The following FMN2 variants were observed in gnomAD, a reference collection of about 807,000 sequenced individuals.
The protein encoded by FMN2 is formin 2, also known as formin-2.
A neutral mutation model predicts 142.3 loss-of-function variants in FMN2; 51 were observed. That is an observed-to-expected ratio of 0.36 (90% CI 0.29 to 0.45). FMN2 has a LOEUF of 0.45. Among genes scored for constraint, FMN2 ranks in the 20% least tolerant of loss-of-function variants. The pLI is 1.00. For synonymous variants in FMN2, 882 were observed against 869.8 expected, an observed-to-expected ratio of 1.01 and a Z score of -0.25; for missense variants, 1,936 against 2,122.8, an observed-to-expected ratio of 0.91 and a Z score of 1.73.
intron 15 of FMN2, among the ~76,000 whole-genome samples, chr1:240,431,371 C>T (rs530487979): frequency 2.7e-5 from 4 of 146,996 alleles, no homozygotes; most frequent in Non-Finnish European, 6.0e-5. Context: ...TTTGTAAACT[C>T]CATAGTGTTT....
intron 3 of FMN2, among the ~76,000 whole-genome samples, chr1:240,187,288 A>T (rs1011642505): frequency 7.3e-6 from 1 of 137,298 alleles, no homozygotes; most frequent in Non-Finnish European, 1.6e-5. Context: ...AAAAAAAAAA[A>T]AAAGAAAAGA....
chr1:240,139,834 C>T (rs1049851248), intron 2 of FMN2, among the ~76,000 whole-genome samples: 3 of 151,902 alleles, frequency 2.0e-5, no homozygotes, highest in Non-Finnish European at 2.9e-5. Context: ...GTAGATGTAT[C>T]GGAAGGTTAG....
At chr1:240,138,064 C>CAA (rs369637580) in intron 2 of FMN2, among the ~76,000 whole-genome samples, 29 of 95,396 alleles carry the variant, frequency 3.0e-4, no homozygotes, top group African/African-American at 5.6e-4. Flanking sequence ...GACTCCATCT[C>CAA]AAAAAAAAAA....
chr1:240,265,246 CTA>C (rs1167414539), intron 7 of FMN2, among the ~76,000 whole-genome samples: 1 of 152,074 alleles, frequency 6.6e-6, no homozygotes, highest in African/African-American at 2.4e-5. Context: ...TGCATATTGA[CTA>C]TGAAATTTTT....
chr1:240,170,747 C>T, intron 2 of FMN2: 1 of 1,442,986 alleles, frequency 6.9e-7, no homozygotes, highest in Non-Finnish European at 9.8e-7. Context: ...GGGCCTGGCT[C>T]TGTTTGGGCC....
At chr1:240,136,649 A>G (rs1173526654) in intron 2 of FMN2, among the ~76,000 whole-genome samples, 1 of 152,098 alleles carries the variant, frequency 6.6e-6, no homozygotes. Flanking sequence ...ACTCAGCTCG[A>G]CTTTTCTGTC....
At chr1:240,111,577 A>G (rs183654758) in intron 1 of FMN2, among the ~76,000 whole-genome samples, 98 of 152,220 alleles carry the variant, frequency 6.4e-4, no homozygotes, top group African/African-American at 2.3e-3. Context: ...GAGGATGACC[A>G]GAGGTCACTC....
chr1:240,121,912 G>C (rs979303000), intron 1 of FMN2, among the ~76,000 whole-genome samples: 14 of 151,202 alleles, frequency 9.3e-5, no homozygotes, highest in Admixed American at 2.0e-4. Context: ...CTGCCTCTTC[G>C]TCTCTTCATT....
chr1:240,211,124 T>G lies in FMN2; in HGVS notation c.3954T>G (p.Ile1318Met), dbSNP rs768001975. ...DSSTSLIWEK[I>M]EEPSIDCHEF... is the part of the protein sequence containing the mutation. ...GTACTTCACTTATTTGGGAAAAAAT[T>G]GAAGAGCCATCCATAGATTGTCATG... The change falls in exon 6 of 18, where the codon ATT becomes ATG. Residue 1318 changes from isoleucine to methionine, a missense_variant. Transcript: ENST00000319653. 3.7e-6 allele frequency: 6 copies of G among 1,612,918 alleles called. No homozygotes were observed. The Admixed American group carries it at 8.3e-5, about 22-fold the overall frequency.
intron 1 of FMN2, among the ~76,000 whole-genome samples, chr1:240,098,509 C>G (rs1309284051): frequency 1.3e-5 from 2 of 152,084 alleles, no homozygotes; most frequent in Non-Finnish European, 2.9e-5. Context: ...GAGCCCCTGA[C>G]AGAGTATAGA....
chr1:240,140,561 T>C (rs1663137769), intron 2 of FMN2, among the ~76,000 whole-genome samples: 1 of 152,156 alleles, frequency 6.6e-6, no homozygotes, highest in South Asian at 2.1e-4. Context: ...TGGGGCCTGC[T>C]GTTTTCCTGA....
chr1:240,312,604 C>T (rs1333064193), intron 8 of FMN2, among the ~76,000 whole-genome samples: 2 of 152,168 alleles, frequency 1.3e-5, no homozygotes, highest in Non-Finnish European at 2.9e-5. Context: ...CTACCCTTGA[C>T]AAGTTCTCTT....
At chr1:240,363,457 T>C (rs1186755461) in intron 14 of FMN2, among the ~76,000 whole-genome samples, 2 of 152,242 alleles carry the variant, frequency 1.3e-5, no homozygotes, top group Non-Finnish European at 2.9e-5. Context: ...ACACTTGCCC[T>C]GCTGGTAAAT....
chr1:240,280,489 T>C (rs962117809), intron 7 of FMN2, among the ~76,000 whole-genome samples: 2 of 152,180 alleles, frequency 1.3e-5, no homozygotes, highest in Non-Finnish European at 1.5e-5. Flanking sequence ...GTGCCCCTTT[T>C]AGAGCATGTG....
intron 2 of FMN2, among the ~76,000 whole-genome samples, chr1:240,124,298 G>A (rs1314497262): frequency 6.6e-6 from 1 of 152,126 alleles, no homozygotes; most frequent in Non-Finnish European, 1.5e-5. Context: ...TTCCCAGTGG[G>A]CCGGAGGTTT....
In FMN2 at chr1:240,093,080, C is replaced by A; in HGVS notation, c.971C>A (p.Pro324Gln). The stretch of plus-strand genomic sequence containing the variant: ...GACTCGCCCTCCTCCACGGCTTTCC[C>A]ATTTCCCGAGGCCGGGCCGGGGGAG... ...AKDSPSSTAFPFPEAGPGEEA... is the reference protein window; with the variant it reads ...AKDSPSSTAFQFPEAGPGEEA... Residue 324 changes from proline (P) to glutamine (Q), a missense_variant, in exon 1 of 18, where the codon CCA becomes CAA. Transcript: ENST00000319653. 1 of 1,395,980 alleles carries A rather than the reference C, an allele frequency of 7.2e-7. No individual in the cohort carries two copies. The highest frequency in any genetic ancestry group is 9.2e-7 in the Non-Finnish European group (1 of 1,084,598). The allele number at this position is 1,395,980 out of a possible 1,614,324, so 86.5% of individuals were successfully genotyped here. A position where few individuals can be genotyped will look rare whatever the true frequency, so the allele number is the denominator to read the frequency against.
intron 6 of FMN2, among the ~76,000 whole-genome samples, chr1:240,224,477 A>G (rs904118168): frequency 1.8e-4 from 28 of 151,978 alleles, no homozygotes; most frequent in Non-Finnish European, 2.8e-4. Context: ...TGGGGTGGAG[A>G]GTTCTGTAGA....
At position 240,355,841 on chromosome 1, in the gene FMN2, A is replaced by T. The variant is rs766435844; in HGVS notation, c.4791A>T (p.Val1597=). 2.5e-6 allele frequency: 4 copies of T among 1,612,126 alleles called. No homozygotes were observed. In the Admixed American group the frequency reaches 6.7e-5, roughly 27 times the overall value. ...LKACEVEAGK[V]YQVSSKEHMQ... ...CCTGTGAAGTTGAAGCAGGGAAAGT[A>T]TACCAGGTCTCCTCAAAAGAGCATA... The change falls in exon 14 of 18, where the codon GTA becomes GTT. Residue 1597 remains valine (V), a synonymous_variant. Transcript: ENST00000319653.
chr1:240,442,432 C>A (rs12741316), intron 16 of FMN2, among the ~76,000 whole-genome samples: 1 of 152,042 alleles, frequency 6.6e-6, no homozygotes, highest in South Asian at 2.1e-4. Context: ...CAACAGTTCC[C>A]TTCAGAGCAG....
Sources: gnomAD v4.1 joint callset for allele counts (sites outside exome capture counted in the v4.1 genomes callset) on GRCh38, gnomAD v4.1.1 for gene constraint, MANE v1.5 for transcripts, NCBI Gene and HGNC (gene_info 2026-07-23, HGNC 2026-07-21) for gene names.